Variants in ZFHX3 observed in about 807,000 individuals in gnomAD.
ZFHX3 encodes zinc finger homeobox 3, also known as zinc finger homeobox protein 3.
Under a neutral mutation model 279.1 loss-of-function variants are expected in ZFHX3, and 42 were observed. The observed-to-expected ratio is 0.15, with a 90% CI of 0.12 to 0.19. The LOEUF (loss-of-function observed/expected upper bound fraction) is 0.19. Ranked by LOEUF, ZFHX3 falls within the 10% of genes least tolerant of loss-of-function variation. The probability of loss-of-function intolerance (pLI) is 1.00; values close to 1 mark genes in which losing one functional copy is unlikely to be tolerated. For synonymous variants in ZFHX3, 2,293 were observed against 1,957.8 expected (o/e 1.17, Z -4.52); for missense variants, 4,981 against 4,754.0 (o/e 1.05, Z -1.40).
At chr16:73,713,325 T>C (rs117199597) in intron 1 of ZFHX3, among the ~76,000 whole-genome samples, 3,124 of 152,318 alleles carry the variant, frequency 0.021, 36 homozygotes, top group East Asian at 0.033. Context: ...TTTTTCTCCA[T>C]TAGCAAGTCC....
At chr16:73,037,580 C>T (rs1367989015) in intron 1 of ZFHX3, among the ~76,000 whole-genome samples, 1 of 152,176 alleles carries the variant, frequency 6.6e-6, no homozygotes, top group Non-Finnish European at 1.5e-5. Flanking sequence ...CACACCTCCT[C>T]CCCGGCTCAC....
At chr16:73,558,420 G>A (rs771428331) in intron 2 of ZFHX3, 1 of 152,218 alleles carries the variant, frequency 6.6e-6, no homozygotes, top group Non-Finnish European at 1.5e-5. Flanking sequence ...CCAGCACCAT[G>A]TGGTGGGAGG....
chr16:73,058,085 C>T (rs1329427026), intron 1 of ZFHX3, among the ~76,000 whole-genome samples: 2 of 145,782 alleles, frequency 1.4e-5, no homozygotes, highest in Non-Finnish European at 3.0e-5. Context: ...ACCCCGGCCG[C>T]CCTCCCGCCC....
At chr16:72,854,035 A>C (rs1422857172) in intron 4 of ZFHX3, among the ~76,000 whole-genome samples, 1 of 152,238 alleles carries the variant, frequency 6.6e-6, no homozygotes, top group East Asian at 1.9e-4. Flanking sequence ...TAGTGTATGC[A>C]GCAGGGACAG....
intron 2 of ZFHX3, among the ~76,000 whole-genome samples, chr16:73,644,744 C>T (rs542728348): frequency 7.2e-4 from 110 of 152,248 alleles, no homozygotes; most frequent in African/African-American, 2.4e-3. Flanking sequence ...CAGGACTGCA[C>T]GCATTACCCT....
chr16:73,023,181 C>T (rs969124382), intron 1 of ZFHX3, among the ~76,000 whole-genome samples: 2 of 152,202 alleles, frequency 1.3e-5, no homozygotes, highest in African/African-American at 4.8e-5. Flanking sequence ...GAGCTGAGAT[C>T]GCACTGCTGC....
rs1453901910 is a variant in ZFHX3 at position 73,048,057 on chromosome 16, CGG to C, written c.-357_-356del. 1.3e-5 allele frequency: 2 copies of C among 152,256 alleles called. No homozygotes were observed. Among genetic ancestry groups the C allele is most frequent in the Non-Finnish European group, 2.9e-5 (2 of 68,190 alleles). The allele number at this position is 152,256 out of a possible 1,614,324, so 9.4% of individuals were successfully genotyped here. ...ACCCACGGGGCGCGGCGCTGGCGTC[CGG>C]GTCCCCGGCCTGCCCGCCGCCGCCG... is the stretch of plus-strand genomic sequence containing the variant. On this transcript the variant is annotated 5_prime_UTR_variant, in exon 1 of 10. Transcript: ENST00000268489.
At chr16:73,489,228 GT>G (rs1222669467) in intron 2 of ZFHX3, among the ~76,000 whole-genome samples, 4 of 152,128 alleles carry the variant, frequency 2.6e-5, no homozygotes, top group Non-Finnish European at 5.9e-5. Flanking sequence ...CTTTCCTTAT[GT>G]TTGGCATTCT....
chr16:73,254,306 C>T (rs922442431), intron 5 of ZFHX3, among the ~76,000 whole-genome samples: 1 of 152,060 alleles, frequency 6.6e-6, no homozygotes, highest in African/African-American at 2.4e-5. Context: ...CTCTCCCTGC[C>T]CACTCCAGCG....
intron 8 of ZFHX3, among the ~76,000 whole-genome samples, chr16:73,072,846 G>A (rs9934569): frequency 0.034 from 5,090 of 151,784 alleles, 292 homozygotes; most frequent in African/African-American, 0.12. Context: ...TGGGATTACC[G>A]GCATGAGCCA....
At chr16:72,811,817 G>GGC in intron 6 of ZFHX3, 40 bp from the exon 7 acceptor site, 1 of 1,583,376 alleles carries the variant, frequency 6.3e-7, no homozygotes, top group Non-Finnish European at 8.7e-7. Flanking sequence ...AACTGTGTGT[G>GGC]CCCCAAGCCC....
chr16:73,424,044 T>C (rs937112063), intron 3 of ZFHX3, among the ~76,000 whole-genome samples: 8 of 152,126 alleles, frequency 5.3e-5, no homozygotes, highest in African/African-American at 1.9e-4. Context: ...AAAAATTTCT[T>C]GGTGACATCA....
intron 4 of ZFHX3, among the ~76,000 whole-genome samples, chr16:72,854,503 C>T (rs1400374470): frequency 6.6e-6 from 1 of 152,174 alleles, no homozygotes; most frequent in Non-Finnish European, 1.5e-5. Context: ...CAAGGCCCCT[C>T]CTGCCACTCC....
chr16:73,294,007 A>C (rs1481885105), intron 4 of ZFHX3: 2 of 151,496 alleles, frequency 1.3e-5, no homozygotes, highest in African/African-American at 4.8e-5. Context: ...AAAAAAAAAA[A>C]AAAAAACCAC....
intron 7 of ZFHX3, among the ~76,000 whole-genome samples, chr16:72,803,218 G>T (rs998843192): frequency 6.6e-6 from 1 of 152,116 alleles, no homozygotes; most frequent in Non-Finnish European, 1.5e-5. Flanking sequence ...TGTAGTCCCA[G>T]TTACTCGGGA....
At chr16:73,585,591 C>A (rs1400834102) in intron 2 of ZFHX3, among the ~76,000 whole-genome samples, 1 of 151,992 alleles carries the variant, frequency 6.6e-6, no homozygotes, top group Non-Finnish European at 1.5e-5. Flanking sequence ...GCACATGTAT[C>A]CCAGAACTTA....
chr16:73,032,686 G>GAA (rs35908833), intron 1 of ZFHX3, among the ~76,000 whole-genome samples: 15 of 146,466 alleles, frequency 1.0e-4, no homozygotes, highest in South Asian at 2.2e-4. Context: ...AAAAGAACAG[G>GAA]AAAAAAAAAA....
chr16:73,086,492 A>C (rs1290871509), intron 8 of ZFHX3, among the ~76,000 whole-genome samples: 1 of 152,240 alleles, frequency 6.6e-6, no homozygotes, highest in East Asian at 1.9e-4. Context: ...GATAAAGAAA[A>C]TGTGGTATAT....
intron 3 of ZFHX3, among the ~76,000 whole-genome samples, chr16:73,323,139 G>C (rs1170619306): frequency 6.6e-6 from 1 of 152,124 alleles, no homozygotes; most frequent in Non-Finnish European, 1.5e-5. Flanking sequence ...CATGGCTGGG[G>C]GTGGGGAATC....
Sources: gnomAD v4.1 joint callset for allele counts (sites outside exome capture counted in the v4.1 genomes callset) on GRCh38, gnomAD v4.1.1 for gene constraint, MANE v1.5 for transcripts, NCBI Gene and HGNC (gene_info 2026-07-23, HGNC 2026-07-21) for gene names.